Variants in ZNF516 observed in about 807,000 individuals in gnomAD.
The protein encoded by ZNF516 is zinc finger protein 516.
A neutral mutation model predicts 79.7 loss-of-function variants in ZNF516; 19 were observed. That is an observed-to-expected ratio of 0.24 (90% confidence interval 0.17 to 0.35). The LOEUF (loss-of-function observed/expected upper bound fraction) is 0.35, where lower values mean the gene tolerates loss of function less well. ZNF516 is among the 10% of genes least tolerant of loss of function. ZNF516 has a pLI of 1.00. For missense variants in ZNF516, 1,678 were observed against 1,679.5 expected, an observed-to-expected ratio of 1.00 and a Z score of 0.02; for synonymous variants, 877 against 739.5, an observed-to-expected ratio of 1.19 and a Z score of -3.02.
chr18:76,473,041 T>G (rs1487152844), intron 1 of ZNF516, among the ~76,000 whole-genome samples: 1 of 152,198 alleles, frequency 6.6e-6, no homozygotes, highest in Non-Finnish European at 1.5e-5. Context: ...AGTCAAATTG[T>G]ATTACTACTG....
In ZNF516 at chr18:76,442,374, C is replaced by T. The variant is rs751596226; in HGVS notation, c.681G>A (p.Gln227=). The change falls in exon 3 of 7, where the codon CAG becomes CAA. Residue 227 remains glutamine, a synonymous_variant. Transcript: ENST00000443185. The part of the protein sequence containing the change: ...SHIERDHITA[Q]GPGSGEACVE... ...CGCAGGCCTCGCCGCTGCCGGGCCC[C>T]TGCGCGGTGATGTGGTCCCTCTCGA... The T allele has an allele frequency of 4.4e-6, 7 of 1,609,052 alleles. No homozygotes were observed. The East Asian group carries it at 1.6e-4, about 36-fold the overall frequency.
intron 1 of ZNF516, among the ~76,000 whole-genome samples, chr18:76,479,954 T>TA (rs992408304): frequency 3.9e-5 from 6 of 152,188 alleles, no homozygotes; most frequent in African/African-American, 7.2e-5. Flanking sequence ...CCTTCCCCCT[T>TA]AGTGTCCTGG....
chr18:76,375,601 G>C (rs902621265), intron 4 of ZNF516, among the ~76,000 whole-genome samples: 1 of 108,220 alleles, frequency 9.2e-6, no homozygotes, highest in Admixed American at 9.2e-5. Context: ...GAAGGTCCTG[G>C]GGACCAGGTC....
chr18:76,438,575 A>G (rs927787031), intron 3 of ZNF516, among the ~76,000 whole-genome samples: 2 of 152,214 alleles, frequency 1.3e-5, no homozygotes, highest in African/African-American at 4.8e-5. Flanking sequence ...TTAAGTCAAT[A>G]ACGAGAGCTG....
intron 3 of ZNF516, among the ~76,000 whole-genome samples, chr18:76,429,973 T>C (rs527522218): frequency 4.4e-4 from 67 of 152,324 alleles, no homozygotes; most frequent in Admixed American, 3.6e-3. Context: ...TCTGTCTTGC[T>C]GGTGTGACGC....
rs1034435443 is a variant in ZNF516, at chr18:76,467,787, T to A, written c.-271-4646A>T. Among the ~76,000 whole-genome samples the A allele has an allele frequency of 1.3e-4, 20 of 152,380 alleles. No individual in the cohort carries two copies. The East Asian group carries it at 1.7e-3, about 13-fold the overall frequency. On this transcript the variant is annotated intron_variant, in intron 1 of 6. Transcript: ENST00000443185. The surrounding 1 kb of genome is among the most constrained non-coding windows in gnomAD (Gnocchi z 4.2). ...TCAAACTGTAAGCCCGTTCGATTCC[T>A]GAGTTATTTTTACCAAATAAATTCA...
intron 3 of ZNF516, among the ~76,000 whole-genome samples, chr18:76,434,772 G>A (rs556065185): frequency 3.9e-5 from 6 of 152,340 alleles, no homozygotes; most frequent in South Asian, 2.1e-4. Flanking sequence ...GGAAGAGTGC[G>A]TGTGCAGGAT....
chr18:76,409,391 G>A (rs1249582907), intron 3 of ZNF516, among the ~76,000 whole-genome samples: 4 of 151,924 alleles, frequency 2.6e-5, no homozygotes. Context: ...TGACCTCCAA[G>A]AACACTGCAG....
intron 1 of ZNF516, among the ~76,000 whole-genome samples, chr18:76,488,582 T>C (rs1914973194): frequency 6.6e-6 from 1 of 151,778 alleles, no homozygotes; most frequent in Admixed American, 6.6e-5. Flanking sequence ...ACTAATTGAG[T>C]GTGTCAGAAT....
chr18:76,479,326 A>C lies in ZNF516; in HGVS notation c.-272+15818T>G, dbSNP rs191798508. Among the ~76,000 whole-genome samples the C allele has an allele frequency of 3.3e-4, 50 of 152,346 alleles. 1 individual carries two copies. The Middle Eastern group carries it at 0.01, about 31-fold the overall frequency. ...CCACATTCTCTCAGCAAACCACAAC[A>C]GAAATTGTTCGGGAAAAGAATAAAC... On this transcript the variant is annotated intron_variant, in intron 1 of 6. Coordinates refer to ENST00000443185, the MANE Select transcript of ZNF516 (RefSeq NM_014643.4).
intron 3 of ZNF516, among the ~76,000 whole-genome samples, chr18:76,381,961 G>A (rs985073174): frequency 5.3e-5 from 8 of 152,220 alleles, no homozygotes; most frequent in East Asian, 3.9e-4. Context: ...GTGAAACCCC[G>A]TCTCTGCTAA....
intron 3 of ZNF516, among the ~76,000 whole-genome samples, chr18:76,409,408 C>T (rs753627768): frequency 2.9e-4 from 44 of 152,016 alleles, no homozygotes; most frequent in Non-Finnish European, 4.1e-4. Flanking sequence ...GCAGGAAATG[C>T]TACCATTGTC....
chr18:76,358,495 T>TA lies in ZNF516; in HGVS notation c.*4002dup, dbSNP rs1234142101. On this transcript the variant is annotated 3_prime_UTR_variant, in exon 7 of 7. Coordinates refer to ENST00000443185, the MANE Select transcript of ZNF516 (RefSeq NM_014643.4). ...CCCTTGGTCACTCCCACAGGCACGT[T>TA]ACCGGGCTCCGGCGTGTGCTCCCAC... 6.6e-6 allele frequency: 1 copy of TA among 152,252 alleles called. No homozygotes were observed. The highest frequency in any genetic ancestry group is 2.4e-5 in the African/African-American group (1 of 41,458). 9.4% of individuals were successfully genotyped at this position (152,252 alleles called of 1,614,324 possible).
At chr18:76,363,469 C>T (rs2074569289) in intron 6 of ZNF516, among the ~76,000 whole-genome samples, 1 of 152,190 alleles carries the variant, frequency 6.6e-6, no homozygotes, top group Non-Finnish European at 1.5e-5. Flanking sequence ...CTCCTACTTA[C>T]AGCTGGCTCT....
At chr18:76,470,314 T>C (rs1229628177) in intron 1 of ZNF516, among the ~76,000 whole-genome samples, 1 of 152,148 alleles carries the variant, frequency 6.6e-6, no homozygotes, top group Non-Finnish European at 1.5e-5. Flanking sequence ...CAGGATACAA[T>C]TCTAATTCAT....
chr18:76,424,788 A>AACAC (rs2075569090), intron 3 of ZNF516, among the ~76,000 whole-genome samples: 1 of 129,210 alleles, frequency 7.7e-6, no homozygotes, highest in African/African-American at 3.0e-5. Context: ...GTTCCCCCGA[A>AACAC]ACACACGCAG....
Position 76,379,465 on chromosome 18 carries a change from G to A in ZNF516, c.2649C>T (p.Asp883=), listed in dbSNP as rs763792803. The A allele has an allele frequency of 3.4e-5, 55 of 1,613,498 alleles. No individual in the cohort carries two copies. The highest frequency in any genetic ancestry group is 3.1e-4 in the East Asian group (14 of 44,870). The change falls in exon 4 of 7, where the codon GAC becomes GAT. Residue 883 remains aspartate, a synonymous_variant. Coordinates refer to ENST00000443185, the MANE Select transcript of ZNF516 (RefSeq NM_014643.4). ...GACAAGGTTTGGTCTGTCGATACCCGTCAGGGCCGGGCGCCCACAGAGCGC... is the reference window on the plus strand; with the variant it reads ...GACAAGGTTTGGTCTGTCGATACCCATCAGGGCCGGGCGCCCACAGAGCGC... ...GPCALWAPGP[D]GYRQTKPCHG...
chr18:76,432,603 CT>C (rs2075676758), intron 3 of ZNF516, among the ~76,000 whole-genome samples: 2 of 152,234 alleles, frequency 1.3e-5, no homozygotes, highest in African/African-American at 2.4e-5. Flanking sequence ...ACTCCAGAGC[CT>C]ACAGCCCCAC....
intron 3 of ZNF516, 132 bp downstream of exon 3, chr18:76,441,113 G>T (rs905228720): frequency 7.5e-7 from 1 of 1,324,980 alleles, no homozygotes; most frequent in Non-Finnish European, 1.0e-6. Context: ...CCTGAGCATA[G>T]GCCTAGCTGA....
Sources: allele counts gnomAD v4.1 joint callset (sites outside exome capture counted in the v4.1 genomes callset), GRCh38; gene constraint gnomAD v4.1.1; non-coding constraint Gnocchi (gnomAD v3.1); transcripts MANE v1.5; gene names NCBI Gene and HGNC (gene_info 2026-07-23, HGNC 2026-07-21).